FECH: variants seen among roughly 807,000 people sequenced by gnomAD.
FECH encodes ferrochelatase.
In FECH, 40 loss-of-function variants were observed where a neutral mutation model predicts 56.9. That is an observed-to-expected ratio of 0.70 (90% CI 0.55 to 0.92). The LOEUF (loss-of-function observed/expected upper bound fraction) is 0.92, where lower values mean the gene tolerates loss of function less well. Among genes scored for constraint, FECH ranks in the 40% least tolerant of loss-of-function variants. The pLI, the probability that FECH is intolerant of heterozygous loss-of-function variation, is 0.00. For missense variants in FECH, 431 were observed against 529.1 expected, an observed-to-expected ratio of 0.81 and a Z score of 1.82; for synonymous variants, 175 against 198.6, an observed-to-expected ratio of 0.88 and a Z score of 1.00.
In FECH at chr18:57,571,452, A is replaced by G. The variant is rs1033336690; in HGVS notation, c.403T>C (p.Trp135Arg). 1 of 1,613,698 alleles carries G rather than the reference A, an allele frequency of 6.2e-7. No individual in the cohort carries two copies. The highest frequency in any genetic ancestry group is 1.3e-5 in the African/African-American group (1 of 74,798). ...RIGGGSPIKI[W>R]TSKQGEGMVK... is the part of the protein sequence containing the mutation. ...ATGCCCTCTCCCTGCTTGGAAGTCC[A>G]TATCTTGATGGGGGATCCGCCTCCA... Residue 135 changes from tryptophan (W) to arginine (R), a missense_variant, in exon 4 of 11, where the codon TGG becomes CGG. By Grantham distance (101) the Trp-to-Arg change is moderately radical. Transcript: ENST00000262093.
At position 57,545,027 on chromosome 18, in the gene FECH, A is replaced by T. The variant is rs2050701749; in HGVS notation, c.*5685T>A. ...GGTAAAAATACAGAATACTACATGG[A>T]TTATCAAGGTTAAATCTATTCTTTC... On this transcript the variant is annotated 3_prime_UTR_variant, in exon 11 of 11. Transcript: ENST00000262093. 6.6e-6 allele frequency among the ~76,000 whole-genome samples: 1 copy of T among 152,180 alleles called. No homozygotes were observed. The highest frequency in any genetic ancestry group is 1.5e-5 in the Non-Finnish European group (1 of 68,020).
intron 9 of FECH, among the ~76,000 whole-genome samples, chr18:57,552,006 C>T (rs1035043440): frequency 6.6e-6 from 1 of 151,724 alleles, no homozygotes; most frequent in African/African-American, 2.4e-5. Flanking sequence ...GCCTCAGCCT[C>T]TCAAGTAGCT....
chr18:57,577,294 C>G (rs1191318080), intron 2 of FECH, among the ~76,000 whole-genome samples: 2 of 151,292 alleles, frequency 1.3e-5, no homozygotes, highest in Non-Finnish European at 3.0e-5. Flanking sequence ...GAACACAGCT[C>G]CCCTCATTGT....
At chr18:57,586,371 C>T (rs2051373292) in intron 1 of FECH, among the ~76,000 whole-genome samples, 183 bp downstream of exon 1, 1 of 152,190 alleles carries the variant, frequency 6.6e-6, no homozygotes, top group Non-Finnish European at 1.5e-5. Flanking sequence ...CGCGGCCTCC[C>T]GAGCCCTGAG....
Position 57,559,151 on chromosome 18 carries a change from G to C in FECH, c.798C>G (p.Pro266=), listed in dbSNP as rs536765. The C allele has an allele frequency of 0.7, 1,117,038 of 1,601,626 alleles. 393,823 individuals are homozygous for C. The highest frequency in any genetic ancestry group is 0.93 in the African/African-American group (69,819 of 74,712). The part of the protein sequence containing the change: ...VVILFSAHSL[P]MSVVNRGDPY... ...AGAAAATGTTCTTACTTACAGACATGGGCAGTGAGTGAGCAGAAAACAGAA... is the reference window on the plus strand; with the variant it reads ...AGAAAATGTTCTTACTTACAGACATCGGCAGTGAGTGAGCAGAAAACAGAA... The change falls in exon 7 of 11, where the codon CCC becomes CCG. Residue 266 remains proline, a synonymous_variant. Coordinates refer to ENST00000262093, the MANE Select transcript of FECH (RefSeq NM_000140.5).
chr18:57,566,019 C>G (rs900873669), intron 5 of FECH, among the ~76,000 whole-genome samples: 1 of 152,218 alleles, frequency 6.6e-6, no homozygotes, highest in Non-Finnish European at 1.5e-5. Flanking sequence ...ACAACGACAA[C>G]AGCAACAAAA....
chr18:57,581,312 C>T (rs552741002), intron 1 of FECH, among the ~76,000 whole-genome samples: 27 of 152,172 alleles, frequency 1.8e-4, no homozygotes, highest in Non-Finnish European at 3.4e-4. Context: ...TCTGAAGAAC[C>T]CACCTGAATT....
intron 1 of FECH, chr18:57,585,868 G>A (rs1348816875): frequency 6.6e-6 from 1 of 152,280 alleles, no homozygotes; most frequent in African/African-American, 2.4e-5. Context: ...ATTTACCAAA[G>A]CTCTGGCGAG....
intron 1 of FECH, among the ~76,000 whole-genome samples, chr18:57,581,041 C>T (rs2051270346): frequency 6.6e-6 from 1 of 152,108 alleles, no homozygotes; most frequent in South Asian, 2.1e-4. Context: ...TGTGAGGCTC[C>T]CCACAAGGCC....
At position 57,554,264 on chromosome 18, in the gene FECH, T is replaced by G. The variant is rs770671710; in HGVS notation, c.1073A>C (p.Lys358Thr). The change falls in exon 9 of 11, where the codon AAG becomes ACG. Residue 358 changes from lysine (K) to threonine (T), a missense_variant. By Grantham distance (78) the Lys-to-Thr change is moderately conservative (BLOSUM62 -1). Transcript: ENST00000262093. The part of the protein sequence containing the change: ...LDIEYSQVLA[K>T]ECGVENIRRA... ...AAGGCAGATGGGTGCATTTACCTCC[T>G]TGGCTAAAACTTGAGAGTACTCGAT... is the stretch of plus-strand genomic sequence containing the variant. 12 of 1,614,108 alleles carry G rather than the reference T, an allele frequency of 7.4e-6. No individual in the cohort carries two copies. The highest frequency in any genetic ancestry group is 1.0e-5 in the Non-Finnish European group (12 of 1,180,028).
At chr18:57,550,990 C>A in intron 10 of FECH, 144 bp from the exon 11 acceptor site, 1 of 941,300 alleles carries the variant, frequency 1.1e-6, no homozygotes, top group African/African-American at 1.6e-5. Context: ...CCAAATTCTA[C>A]AGCATCTTCC....
At chr18:57,568,797 T>C (rs2051052733) in intron 4 of FECH, among the ~76,000 whole-genome samples, 1 of 152,238 alleles carries the variant, frequency 6.6e-6, no homozygotes, top group South Asian at 2.1e-4. Context: ...TTGTACATGA[T>C]TTTTTGAAAG....
At chr18:57,584,561 TG>T (rs1001037798) in intron 1 of FECH, among the ~76,000 whole-genome samples, 4 of 151,506 alleles carry the variant, frequency 2.6e-5, no homozygotes, top group Admixed American at 2.6e-4. Flanking sequence ...CAGAAGAGGG[TG>T]GGGGGCGAGA....
At chr18:57,566,372 C>T (rs1413723774) in intron 5 of FECH, 75 bp downstream of exon 5, 1 of 1,600,332 alleles carries the variant, frequency 6.2e-7, no homozygotes, top group African/African-American at 1.3e-5. Context: ...TCATCCTTCC[C>T]TTCAGTACTT....
intron 4 of FECH, chr18:57,567,881 A>C (rs1250312985): frequency 6.6e-6 from 1 of 152,184 alleles, no homozygotes; most frequent in Non-Finnish European, 1.5e-5. Context: ...TGGGTACTGC[A>C]AAAAAGAAGA....
Position 57,586,612 on chromosome 18 carries a change from T to A in FECH, c.9A>T (p.Ser3=). The A allele has an allele frequency of 6.6e-7, 1 of 1,521,188 alleles. No homozygotes were observed. 94.2% of individuals were successfully genotyped at this position (1,521,188 alleles called of 1,614,324 possible). The change falls in exon 1 of 11, where the codon TCA becomes TCT. Residue 3 remains serine, a synonymous_variant. Coordinates refer to ENST00000262093, the MANE Select transcript of FECH (RefSeq NM_000140.5). Reference sequence around the variant, plus strand: ...GGGCCGCAGCCATGTTTGCGCCGAGTGAACGCATTGCCTGGGCAGCCTCGG... The same window carrying A: ...GGGCCGCAGCCATGTTTGCGCCGAGAGAACGCATTGCCTGGGCAGCCTCGG... The part of the protein sequence containing the change: MR[S]LGANMAAALR...
Position 57,550,987 on chromosome 18 carries a change from C to G in FECH, c.1138-141G>C. On this transcript the variant is annotated intron_variant, in intron 10 of 10. Coordinates refer to ENST00000262093, the MANE Select transcript of FECH (RefSeq NM_000140.5). ...AGTGGTGAGCCCTTTGAACCAAATT[C>G]TACAGCATCTTCCTTTCCTGAGAAT... The G allele has an allele frequency of 5.2e-6, 5 of 968,468 alleles. No individual in the cohort carries two copies. The South Asian group carries it at 7.0e-5, about 13-fold the overall frequency. The allele number at this position is 968,468 out of a possible 1,614,324, so 60.0% of individuals were successfully genotyped here. A position where few individuals can be genotyped will look rare whatever the true frequency, so the allele number is the denominator to read the frequency against.
chr18:57,572,410 C>A (rs1419028207), intron 3 of FECH, among the ~76,000 whole-genome samples: 1 of 145,320 alleles, frequency 6.9e-6, no homozygotes, highest in Non-Finnish European at 1.5e-5. Context: ...CAGGGCCTAT[C>A]GTGGAGTGGG....
intron 4 of FECH, among the ~76,000 whole-genome samples, 185 bp downstream of exon 4, chr18:57,571,207 T>C (rs954839478): frequency 6.6e-6 from 1 of 152,226 alleles, no homozygotes; most frequent in Non-Finnish European, 1.5e-5. Context: ...TAAGAAGTCA[T>C]AGCAAAGGCT....
Sources: gnomAD v4.1 joint callset for allele counts (sites outside exome capture counted in the v4.1 genomes callset) on GRCh38, gnomAD v4.1.1 for gene constraint, MANE v1.5 for transcripts, NCBI Gene and HGNC (gene_info 2026-07-23, HGNC 2026-07-21) for gene names.